Variants in NEGR1 observed in about 807,000 individuals in gnomAD.
The protein encoded by NEGR1 is neuronal growth regulator 1.
A neutral mutation model predicts 40.9 loss-of-function variants in NEGR1; 10 were observed. The ratio of observed to expected loss-of-function variants is 0.24; its 90% confidence interval spans 0.15 to 0.42. The LOEUF (loss-of-function observed/expected upper bound fraction) is 0.42, where lower values mean the gene tolerates loss of function less well. Among genes scored for constraint, NEGR1 ranks in the 10% least tolerant of loss-of-function variants. The probability of loss-of-function intolerance (pLI) is 1.00; values close to 1 mark genes in which losing one functional copy is unlikely to be tolerated. For missense variants in NEGR1, 352 were observed against 438.9 expected, an observed-to-expected ratio of 0.80 and a Z score of 1.77; for synonymous variants, 185 against 166.8, an observed-to-expected ratio of 1.11 and a Z score of -0.84.
At chr1:71,804,245 T>C (rs1657671052) in intron 2 of NEGR1, among the ~76,000 whole-genome samples, 1 of 152,184 alleles carries the variant, frequency 6.6e-6, no homozygotes, top group Non-Finnish European at 1.5e-5. Context: ...AAGTTGATAA[T>C]AAACAGCAAT....
intron 2 of NEGR1, among the ~76,000 whole-genome samples, chr1:71,783,833 T>C (rs548084184): frequency 6.1e-5 from 8 of 131,950 alleles, no homozygotes; most frequent in Admixed American, 8.4e-5. Flanking sequence ...AATTCATCCA[T>C]CCACCCGTCC....
chr1:71,875,797 C>T (rs1291453404), intron 2 of NEGR1, among the ~76,000 whole-genome samples: 1 of 152,144 alleles, frequency 6.6e-6, no homozygotes. Context: ...TCCAAGCTAA[C>T]TAGGATCCTT....
intron 1 of NEGR1, among the ~76,000 whole-genome samples, chr1:72,005,090 C>A (rs533909038): frequency 5.3e-5 from 8 of 152,148 alleles, no homozygotes; most frequent in African/African-American, 1.4e-4. Flanking sequence ...AAGCACTAGC[C>A]TGGCATTTTG....
At chr1:72,261,982 C>T (rs1655473539) in intron 1 of NEGR1, among the ~76,000 whole-genome samples, 1 of 151,880 alleles carries the variant, frequency 6.6e-6, no homozygotes, top group Non-Finnish European at 1.5e-5. Flanking sequence ...CTCTATGTAA[C>T]AAAATTGCAC....
chr1:71,617,049 G>T (rs140504866), intron 4 of NEGR1, among the ~76,000 whole-genome samples: 1 of 152,070 alleles, frequency 6.6e-6, no homozygotes, highest in African/African-American at 2.4e-5. Flanking sequence ...ACAAGACTTT[G>T]GAGTTTTTCA....
At chr1:71,698,196 AAAC>A in intron 3 of NEGR1, 57 bp from the exon 4 acceptor site, 11 of 1,516,112 alleles carry the variant, frequency 7.3e-6, no homozygotes, top group Non-Finnish European at 9.9e-6. Context: ...CATTCAAGTA[AAAC>A]AACAATTTCA....
At chr1:71,674,660 A>G (rs1226191779) in intron 4 of NEGR1, among the ~76,000 whole-genome samples, 1 of 151,476 alleles carries the variant, frequency 6.6e-6, no homozygotes, top group East Asian at 2.0e-4. Context: ...AAAATGTGTG[A>G]TGTTCCGGTT....
intron 3 of NEGR1, among the ~76,000 whole-genome samples, chr1:71,766,167 C>G (rs987369003): frequency 2.9e-5 from 3 of 102,732 alleles, no homozygotes; most frequent in Non-Finnish European, 4.4e-5. Flanking sequence ...AGCAAGACTC[C>G]GTCTCAAAAA....
intron 6 of NEGR1, among the ~76,000 whole-genome samples, chr1:71,528,205 G>T (rs1317782615): frequency 1.3e-5 from 2 of 151,132 alleles, no homozygotes; most frequent in Admixed American, 1.3e-4. Context: ...TTAAGTTTTT[G>T]CTTGCTATGG....
intron 5 of NEGR1, among the ~76,000 whole-genome samples, chr1:71,605,880 A>C (rs1650059451): frequency 6.6e-6 from 1 of 152,194 alleles, no homozygotes; most frequent in African/African-American, 2.4e-5. Context: ...ATATAGCATT[A>C]GCCACTCTCA....
At chr1:72,030,479 C>G (rs781206779) in intron 1 of NEGR1, among the ~76,000 whole-genome samples, 2 of 151,998 alleles carry the variant, frequency 1.3e-5, no homozygotes, top group Non-Finnish European at 2.9e-5. Context: ...ACATGGGTAC[C>G]TGGTATGTAA....
intron 3 of NEGR1, among the ~76,000 whole-genome samples, chr1:71,767,670 A>T (rs1656178451): frequency 6.6e-6 from 1 of 152,224 alleles, no homozygotes; most frequent in South Asian, 2.1e-4. Context: ...TGCATAATTA[A>T]AAAGAAGGTA....
In NEGR1 at chr1:71,805,102, T is replaced by C. The variant is rs929230526; in HGVS notation, c.410-28805A>G. On this transcript the variant is annotated intron_variant, in intron 2 of 6. Transcript: ENST00000357731. ...CTTAGCGCTCCCAGGCTTATTAGGA[T>C]GAGGAAATTCCCGCATAATAAATTT... 2.0e-5 allele frequency among the ~76,000 whole-genome samples: 3 copies of C among 152,210 alleles called. No homozygotes were observed. The East Asian group carries it at 5.8e-4, about 29-fold the overall frequency.
chr1:71,950,089 T>C (rs1646055872), intron 1 of NEGR1, among the ~76,000 whole-genome samples: 1 of 152,074 alleles, frequency 6.6e-6, no homozygotes. Flanking sequence ...AATATTGTAA[T>C]TATTATTCTT....
rs1457710237 is a variant in NEGR1 at position 71,999,678 on chromosome 1, T to TATATATATATATATATAC, written c.177-64368_177-64367insGTATATATATATATATAT. On this transcript the variant is annotated intron_variant, in intron 1 of 6. Coordinates refer to ENST00000357731, the MANE Select transcript of NEGR1 (RefSeq NM_173808.3). ...ATATATATATATATATATATATATA[T>TATATATATATATATATAC]ACATACATATTTTTGTCCGGTCTCG... is the stretch of plus-strand genomic sequence containing the variant. 2.8e-4 allele frequency among the ~76,000 whole-genome samples: 14 copies of TATATATATATATATATAC among 49,858 alleles called. 2 individuals are homozygous for TATATATATATATATATAC. Among genetic ancestry groups the TATATATATATATATATAC allele is most frequent in the Non-Finnish European group, 4.5e-4 (11 of 24,460 alleles). 32.7% of individuals were successfully genotyped at this position (49,858 alleles called of 152,430 possible). A position where few individuals can be genotyped will look rare whatever the true frequency, so the allele number is the denominator to read the frequency against.
chr1:72,008,588 A>T (rs947512572), intron 1 of NEGR1, among the ~76,000 whole-genome samples: 1 of 152,132 alleles, frequency 6.6e-6, no homozygotes, highest in Non-Finnish European at 1.5e-5. Flanking sequence ...GACACACTTA[A>T]TTGTTCATAC....
chr1:71,642,444 G>T (rs183690429), intron 4 of NEGR1, among the ~76,000 whole-genome samples: 1 of 151,780 alleles, frequency 6.6e-6, no homozygotes, highest in Non-Finnish European at 1.5e-5. Context: ...GAAAAAATTG[G>T]GGGGGAGAGA....
At chr1:71,908,759 T>C (rs1334015595) in intron 2 of NEGR1, among the ~76,000 whole-genome samples, 1 of 152,218 alleles carries the variant, frequency 6.6e-6, no homozygotes, top group Non-Finnish European at 1.5e-5. Context: ...TGCAGTCAAC[T>C]GTTACAGTGT....
intron 4 of NEGR1, among the ~76,000 whole-genome samples, chr1:71,653,430 C>A (rs973971546): frequency 2.0e-5 from 3 of 152,174 alleles, no homozygotes; most frequent in Non-Finnish European, 4.4e-5. Flanking sequence ...AAATTCTTAG[C>A]CAACTCTGTG....
Sources: gnomAD v4.1 joint callset for allele counts (sites outside exome capture counted in the v4.1 genomes callset) on GRCh38, gnomAD v4.1.1 for gene constraint, MANE v1.5 for transcripts, NCBI Gene and HGNC (gene_info 2026-07-23, HGNC 2026-07-21) for gene names.